Variants in DSG3 observed in about 807,000 individuals in gnomAD.
DSG3 encodes desmoglein 3.
Under a neutral mutation model 85.9 loss-of-function variants are expected in DSG3, and 63 were observed. That is an observed-to-expected ratio of 0.73 (90% CI 0.60 to 0.90). DSG3 has a LOEUF of 0.90. Ranked by LOEUF, DSG3 falls within the 40% of genes least tolerant of loss-of-function variation. The probability of loss-of-function intolerance (pLI) is 0.00; values close to 1 mark genes in which losing one functional copy is unlikely to be tolerated. For synonymous variants in DSG3, 447 were observed against 441.9 expected (o/e 1.01, Z -0.14); for missense variants, 1,220 against 1,219.9 (o/e 1.00, Z 0.00).
chr18:31,466,743 C>A lies in DSG3; in HGVS notation c.1625C>A (p.Thr542Lys). 6.2e-7 allele frequency: 1 copy of A among 1,613,928 alleles called. No individual in the cohort carries two copies. The highest frequency in any genetic ancestry group is 8.5e-7 in the Non-Finnish European group (1 of 1,179,832). Residue 542 changes from threonine (T) to lysine (K), a missense_variant, in exon 11 of 16, where the codon ACA (threonine) becomes AAA (lysine). Physicochemically the swap from Thr to Lys is moderately conservative, Grantham distance 78. Transcript: ENST00000257189. ...PVKLPAVWSITTLNATSALLR... is the reference protein window; with the variant it reads ...PVKLPAVWSIKTLNATSALLR... ...AAGTTGCCTGCCGTATGGAGTATCA[C>A]AACCCTCAATGGTGAGTAACAGTAA...
At position 31,475,554 on chromosome 18, in the gene DSG3, T is replaced by C. The variant is rs959620763; in HGVS notation, c.2386-92T>C. The C allele has an allele frequency of 3.4e-6, 5 of 1,463,204 alleles. No homozygotes were observed. The African/African-American group carries it at 5.6e-5, about 16-fold the overall frequency. 90.6% of individuals were successfully genotyped at this position (1,463,204 alleles called of 1,614,324 possible). Reference sequence around the variant, plus strand: ...TTCTATGGATTACCTAGTTTGGGCATTCATAATCCAAATGAGTTCTACAAA... The same window carrying C: ...TTCTATGGATTACCTAGTTTGGGCACTCATAATCCAAATGAGTTCTACAAA... On this transcript the variant is annotated intron_variant, in intron 15 of 15. Transcript: ENST00000257189.
At chr18:31,453,190 C>CA (rs1375507253) in intron 1 of DSG3, among the ~76,000 whole-genome samples, 3 of 151,940 alleles carry the variant, frequency 2.0e-5, no homozygotes, top group Admixed American at 6.6e-5. Flanking sequence ...ACATTTTTCC[C>CA]AAAAAAATTT....
Position 31,447,785 on chromosome 18 carries a change from T to C in DSG3, c.-93T>C, listed in dbSNP as rs887960834. The C allele has an allele frequency of 1.4e-5, 15 of 1,059,018 alleles. No homozygotes were observed. In the African/African-American group the frequency reaches 2.5e-4, roughly 17 times the overall value. 65.6% of individuals were successfully genotyped at this position (1,059,018 alleles called of 1,614,324 possible). A position where few individuals can be genotyped will look rare whatever the true frequency, so the allele number is the denominator to read the frequency against. ...CTCCTTCGGAAAGCAGCAGAGACGC[T>C]GCAGAGGGCTTTTCTTAGACATCAA... On this transcript the variant is annotated 5_prime_UTR_variant, in exon 1 of 16. Transcript: ENST00000257189.
chr18:31,463,324 C>T (rs1477103243), intron 8 of DSG3, among the ~76,000 whole-genome samples: 1 of 152,190 alleles, frequency 6.6e-6, no homozygotes, highest in African/African-American at 2.4e-5. Context: ...AATGCTTGAG[C>T]ACACAAAGCC....
intron 3 of DSG3, 92 bp downstream of exon 3, chr18:31,457,216 A>G: frequency 7.6e-7 from 1 of 1,312,530 alleles, no homozygotes; most frequent in South Asian, 1.6e-5. Context: ...AACAAAATGA[A>G]GACTGGGGAG....
At chr18:31,448,783 G>A (rs959843640) in intron 1 of DSG3, among the ~76,000 whole-genome samples, 5 of 151,866 alleles carry the variant, frequency 3.3e-5, no homozygotes, top group African/African-American at 1.2e-4. Context: ...TGATAAGCTG[G>A]GTTGGCCTAG....
chr18:31,475,679 C>A lies in DSG3; in HGVS notation c.2419C>A (p.Gln807Lys), dbSNP rs1198982366. 1 of 1,614,152 alleles carries A rather than the reference C, an allele frequency of 6.2e-7. No homozygotes were observed. The change falls in exon 16 of 16, where the codon CAG becomes AAG. Residue 807 changes from glutamine to lysine, a missense_variant. By Grantham distance (53) the Gln-to-Lys change is moderately conservative. Coordinates refer to ENST00000257189, the MANE Select transcript of DSG3 (RefSeq NM_001944.3). ...AFACAEEDDG[Q>K]EANDCLLIYD... ...TGCCTGTGCGGAGGAAGACGATGGC[C>A]AGGAAGCAAATGACTGCTTGTTGAT...
chr18:31,463,867 G>A (rs2072800521), intron 8 of DSG3, among the ~76,000 whole-genome samples: 1 of 152,108 alleles, frequency 6.6e-6, no homozygotes, highest in Non-Finnish European at 1.5e-5. Context: ...ATAGCCTAAA[G>A]AGACTATGAT....
rs1241886876 is a variant in DSG3, at chr18:31,474,684, G to A, written c.2385+280G>A. Among the ~76,000 whole-genome samples the A allele has an allele frequency of 2.6e-5, 4 of 152,156 alleles. No homozygotes were observed. In the South Asian group the frequency reaches 8.3e-4, roughly 32 times the overall value. On this transcript the variant is annotated intron_variant, in intron 15 of 15. Coordinates refer to ENST00000257189, the MANE Select transcript of DSG3 (RefSeq NM_001944.3). ...GTGGGAGGATTGCTTGCACCCAGGA[G>A]GTAGAAGCTGCAGTGAGCTATGATG...
chr18:31,456,206 A>T (rs1252247541), intron 1 of DSG3, among the ~76,000 whole-genome samples: 1 of 152,232 alleles, frequency 6.6e-6, no homozygotes, highest in Non-Finnish European at 1.5e-5. Context: ...TCTTTATGTC[A>T]TCAAAATTCT....
In DSG3 at chr18:31,476,362, A is replaced by T. The variant is rs1226488970; in HGVS notation, c.*102A>T. ...CACTGTATTGGGCTAATAATTTGGC[A>T]CTTATTAGCTTCTCTCATAAACTGA... On this transcript the variant is annotated 3_prime_UTR_variant, in exon 16 of 16. Coordinates refer to ENST00000257189, the MANE Select transcript of DSG3 (RefSeq NM_001944.3). The T allele has an allele frequency of 2.2e-6, 3 of 1,382,912 alleles. No individual in the cohort carries two copies. In the African/African-American group the frequency reaches 4.4e-5, roughly 20 times the overall value. 85.7% of individuals were successfully genotyped at this position (1,382,912 alleles called of 1,614,324 possible).
At position 31,460,771 on chromosome 18, in the gene DSG3, G is replaced by A. The variant is rs1055488569; in HGVS notation, c.685-62G>A. 5.1e-6 allele frequency: 7 copies of A among 1,380,188 alleles called. No homozygotes were observed. In the Admixed American group the frequency reaches 1.7e-4, roughly 33 times the overall value. 85.5% of individuals were successfully genotyped at this position (1,380,188 alleles called of 1,614,324 possible). ...CTACCTCCTTACCCATAGGAATCAAGTAGTTTCCATTTATAATTCTTTGGG... is the reference window on the plus strand; with the variant it reads ...CTACCTCCTTACCCATAGGAATCAAATAGTTTCCATTTATAATTCTTTGGG... On this transcript the variant is annotated intron_variant, in intron 6 of 15. Transcript: ENST00000257189.
Position 31,465,767 on chromosome 18 carries a change from C to T in DSG3, c.1411+310C>T, listed in dbSNP as rs528614274. 5.9e-5 allele frequency among the ~76,000 whole-genome samples: 9 copies of T among 152,232 alleles called. No homozygotes were observed. In the East Asian group the frequency reaches 1.2e-3, roughly 20 times the overall value. On this transcript the variant is annotated intron_variant, in intron 10 of 15. Coordinates refer to ENST00000257189, the MANE Select transcript of DSG3 (RefSeq NM_001944.3). ...AATGGATAAGGATTCATAGACAAAGCGCATCAGGGAATCTCAACTTGAACG... is the reference window on the plus strand; with the variant it reads ...AATGGATAAGGATTCATAGACAAAGTGCATCAGGGAATCTCAACTTGAACG...
Position 31,476,228 on chromosome 18 carries a change from T to C in DSG3, c.2968T>C (p.Cys990Arg). The stretch of plus-strand genomic sequence containing the variant: ...GCTACGAGGGTCACATACTATGCTC[T>C]GTACAGAGGATCCTTGCTCCCGTCT... ...TQLRGSHTMLCTEDPCSRLI is the reference protein window; with the variant it reads ...TQLRGSHTMLRTEDPCSRLI The change falls in exon 16 of 16, where the codon TGT becomes CGT. Residue 990 changes from cysteine to arginine, a missense_variant. By Grantham distance (180) the Cys-to-Arg change is radical. Transcript: ENST00000257189. The C allele has an allele frequency of 6.2e-7, 1 of 1,613,198 alleles. No individual in the cohort carries two copies. The highest frequency in any genetic ancestry group is 8.5e-7 in the Non-Finnish European group (1 of 1,179,418).
rs552975470 is a variant in DSG3 at position 31,477,699 on chromosome 18, A to G, written c.*1439A>G. 1.3e-5 allele frequency: 2 copies of G among 152,302 alleles called. No homozygotes were observed. The highest frequency in any genetic ancestry group is 3.9e-4 in the East Asian group (2 of 5,174). 9.4% of individuals were successfully genotyped at this position (152,302 alleles called of 1,614,324 possible). A position where few individuals can be genotyped will look rare whatever the true frequency, so the allele number is the denominator to read the frequency against. ...AAGGTTTAGATGTATCACTTCATGC[A>G]TGCTACCATGATAGTAATGCAGCTC... is the stretch of plus-strand genomic sequence containing the variant. On this transcript the variant is annotated 3_prime_UTR_variant, in exon 16 of 16. Coordinates refer to ENST00000257189, the MANE Select transcript of DSG3 (RefSeq NM_001944.3).
rs777153401 is a variant in DSG3 at position 31,466,605 on chromosome 18, T to A, written c.1487T>A (p.Val496Asp). ...PDFNDNCPTA[V>D]LEKDAVCSSS... ...TTCAATGACAATTGTCCAACAGCTGTCCTCGAAAAAGATGCAGTTTGCAGT... is the reference window on the plus strand; with the variant it reads ...TTCAATGACAATTGTCCAACAGCTGACCTCGAAAAAGATGCAGTTTGCAGT... The change falls in exon 11 of 16, where the codon GTC becomes GAC. Residue 496 changes from valine (V) to aspartate (D), a missense_variant. Coordinates refer to ENST00000257189, the MANE Select transcript of DSG3 (RefSeq NM_001944.3). 5 of 1,613,886 alleles carry A rather than the reference T, an allele frequency of 3.1e-6. No individual in the cohort carries two copies. In the Admixed American group the frequency reaches 8.3e-5, roughly 27 times the overall value.
rs2072903819 is a variant in DSG3 at position 31,478,645 on chromosome 18, T to C, written c.*2385T>C. ...ATTTTGAACCATATGTATTAAACCA[T>C]AAACAGTATAATGTTGTTATAATAA... On this transcript the variant is annotated 3_prime_UTR_variant, in exon 16 of 16. Coordinates refer to ENST00000257189, the MANE Select transcript of DSG3 (RefSeq NM_001944.3). 6.6e-6 allele frequency: 1 copy of C among 152,206 alleles called. No homozygotes were observed. Among genetic ancestry groups the C allele is most frequent in the African/African-American group, 2.4e-5 (1 of 41,444 alleles). The allele number at this position is 152,206 out of a possible 1,614,324, so 9.4% of individuals were successfully genotyped here.
At chr18:31,473,583 A>G (rs2072868504) in intron 14 of DSG3, among the ~76,000 whole-genome samples, 1 of 152,224 alleles carries the variant, frequency 6.6e-6, no homozygotes, top group African/African-American at 2.4e-5. Flanking sequence ...CATTAGAATT[A>G]CATAGCAAGA....
At chr18:31,451,586 A>T (rs1342014214) in intron 1 of DSG3, among the ~76,000 whole-genome samples, 1 of 152,200 alleles carries the variant, frequency 6.6e-6, no homozygotes, top group African/African-American at 2.4e-5. Flanking sequence ...AATCTCTAAG[A>T]TATCTCTTCT....
Sources: allele counts gnomAD v4.1 joint callset (sites outside exome capture counted in the v4.1 genomes callset), GRCh38; gene constraint gnomAD v4.1.1; transcripts MANE v1.5; gene names NCBI Gene and HGNC (gene_info 2026-07-23, HGNC 2026-07-21).